The following NKAIN2 variants were observed in gnomAD, a reference collection of about 807,000 sequenced individuals.
The protein encoded by NKAIN2 is sodium/potassium transporting ATPase interacting 2.
In NKAIN2, 14 loss-of-function variants were observed where a neutral mutation model predicts 32.6. That is an observed-to-expected ratio of 0.43 (90% CI 0.28 to 0.67). The LOEUF (loss-of-function observed/expected upper bound fraction) is 0.67, where lower values mean the gene tolerates loss of function less well. Among genes scored for constraint, NKAIN2 ranks in the 30% least tolerant of loss-of-function variants. The probability of loss-of-function intolerance (pLI) is 0.17; values close to 1 mark genes in which losing one functional copy is unlikely to be tolerated. For synonymous variants in NKAIN2, 80 were observed against 87.2 expected, an observed-to-expected ratio of 0.92 and a Z score of 0.46; for missense variants, 198 against 258.3, an observed-to-expected ratio of 0.77 and a Z score of 1.60.
intron 4 of NKAIN2, among the ~76,000 whole-genome samples, chr6:124,788,552 CCTT>C (rs752951573): frequency 6.6e-5 from 10 of 151,982 alleles, no homozygotes; most frequent in Admixed American, 1.3e-4. Flanking sequence ...GAAGCAAAGA[CCTT>C]CTTCAGATGG....
intron 3 of NKAIN2, among the ~76,000 whole-genome samples, chr6:124,534,088 TTAAATG>T (rs1237908038): frequency 6.6e-6 from 1 of 152,240 alleles, no homozygotes; most frequent in Non-Finnish European, 1.5e-5. Flanking sequence ...CCATTATAAC[TTAAATG>T]TATGACTGCT....
Position 124,696,736 on chromosome 6 carries a change from T to C in NKAIN2, c.474+38350T>C, listed in dbSNP as rs117325451. On this transcript the variant is annotated intron_variant, in intron 4 of 6. Transcript: ENST00000368417. ...TTGATATGTTGTTTTCTGCGCTTGA[T>C]TGTATAAATTTACAAAAAAGTAAAA... is the stretch of plus-strand genomic sequence containing the variant. Among the ~76,000 whole-genome samples, 48 of 152,058 alleles carry C rather than the reference T, an allele frequency of 3.2e-4. No homozygotes were observed. The East Asian group carries it at 8.9e-3, about 28-fold the overall frequency.
chr6:124,784,234 T>G (rs1189191881), intron 4 of NKAIN2, among the ~76,000 whole-genome samples: 1 of 152,188 alleles, frequency 6.6e-6, no homozygotes, highest in Non-Finnish European at 1.5e-5. Flanking sequence ...CTGTTTACAC[T>G]TTACCCAGTT....
At chr6:124,279,286 T>A (rs1433071576) in intron 1 of NKAIN2, among the ~76,000 whole-genome samples, 1 of 151,928 alleles carries the variant, frequency 6.6e-6, no homozygotes, top group African/African-American at 2.4e-5. Context: ...CGTGGGCCGA[T>A]CATGAGGTCA....
At chr6:124,618,587 T>C (rs1046365748) in intron 3 of NKAIN2, among the ~76,000 whole-genome samples, 2 of 152,260 alleles carry the variant, frequency 1.3e-5, no homozygotes, top group African/African-American at 4.8e-5. Flanking sequence ...TAGTTTGCTT[T>C]GTAAGGTTGT....
At chr6:124,089,971 T>C (rs1784348835) in intron 1 of NKAIN2, among the ~76,000 whole-genome samples, 1 of 151,968 alleles carries the variant, frequency 6.6e-6, no homozygotes, top group Non-Finnish European at 1.5e-5. Context: ...CTATAGTACA[T>C]GTACATACTC....
chr6:124,100,842 G>A (rs1325145983), intron 1 of NKAIN2, among the ~76,000 whole-genome samples: 1 of 152,082 alleles, frequency 6.6e-6, no homozygotes, highest in African/African-American at 2.4e-5. Flanking sequence ...ATTTCTCCTT[G>A]CTGCTCAGTA....
intron 4 of NKAIN2, among the ~76,000 whole-genome samples, chr6:124,779,314 GGGAGGGAAGGAAGGAAGGAA>G (rs1246431008): frequency 3.8e-4 from 30 of 79,582 alleles, no homozygotes; most frequent in African/African-American, 1.5e-3. Context: ...GAGGGAGGGA[GGGAGGGAAGGAAGGAAGGAA>G]GGAAGGAAGG....
intron 4 of NKAIN2, among the ~76,000 whole-genome samples, chr6:124,687,783 T>G (rs13205084): frequency 2.2e-5 from 2 of 92,668 alleles, no homozygotes; most frequent in Non-Finnish European, 4.1e-5. Flanking sequence ...CACACACACA[T>G]ACTGTTCTAT....
chr6:124,812,864 T>A lies in NKAIN2; in HGVS notation c.536-5523T>A, dbSNP rs534605557. Among the ~76,000 whole-genome samples, 8 of 152,276 alleles carry A rather than the reference T, an allele frequency of 5.3e-5. No homozygotes were observed. The East Asian group carries it at 1.5e-3, about 29-fold the overall frequency. On this transcript the variant is annotated intron_variant, in intron 5 of 6. Coordinates refer to ENST00000368417, the MANE Select transcript of NKAIN2 (RefSeq NM_001040214.3). ...CCATGAACTATGTTTTCTACCTCTT[T>A]GTCCATTCATCTCAAATTCATTGAC...
intron 3 of NKAIN2, among the ~76,000 whole-genome samples, chr6:124,480,351 G>A (rs1777395802): frequency 6.6e-6 from 1 of 152,072 alleles, no homozygotes; most frequent in Non-Finnish European, 1.5e-5. Context: ...AACTCTTACA[G>A]CTCCTTCAGG....
At chr6:124,656,844 G>A (rs1172252394) in intron 3 of NKAIN2, among the ~76,000 whole-genome samples, 2 of 151,998 alleles carry the variant, frequency 1.3e-5, no homozygotes, top group African/African-American at 2.4e-5. Flanking sequence ...TTCTCATACT[G>A]CCTAATTTTT....
intron 1 of NKAIN2, among the ~76,000 whole-genome samples, chr6:124,224,177 A>G (rs1582878634): frequency 6.6e-6 from 1 of 152,152 alleles, no homozygotes; most frequent in Admixed American, 6.6e-5. Flanking sequence ...TACGTACAGT[A>G]TGCACATATT....
intron 3 of NKAIN2, among the ~76,000 whole-genome samples, chr6:124,439,410 T>C (rs567176856): frequency 4.0e-5 from 6 of 151,890 alleles, no homozygotes; most frequent in African/African-American, 1.4e-4. Context: ...GGTGGACGAC[T>C]ACACGGGGCC....
intron 1 of NKAIN2, among the ~76,000 whole-genome samples, chr6:123,857,410 A>G (rs569905899): frequency 1.3e-5 from 2 of 152,330 alleles, no homozygotes; most frequent in South Asian, 4.1e-4. Context: ...AACAATCTAT[A>G]CAGTTTTTCA....
chr6:124,437,872 ATTT>A (rs374033234), intron 3 of NKAIN2: 322 of 343,536 alleles, frequency 9.4e-4, no homozygotes, highest in African/African-American at 2.8e-3. Context: ...TGATCTATTG[ATTT>A]TTTTTTTTTT....
intron 2 of NKAIN2, among the ~76,000 whole-genome samples, chr6:124,296,006 T>C (rs1163945403): frequency 6.6e-6 from 1 of 152,182 alleles, no homozygotes; most frequent in Non-Finnish European, 1.5e-5. Flanking sequence ...CATCACTGTT[T>C]ATGTATAAAG....
intron 1 of NKAIN2, among the ~76,000 whole-genome samples, chr6:124,117,599 A>G (rs189263261): frequency 6.6e-6 from 1 of 152,294 alleles, no homozygotes; most frequent in Admixed American, 6.5e-5. Context: ...AGGTCTTAAC[A>G]TATGTAACAA....
chr6:124,389,112 TA>T (rs951014201), intron 3 of NKAIN2, among the ~76,000 whole-genome samples: 2 of 152,144 alleles, frequency 1.3e-5, no homozygotes, highest in Non-Finnish European at 2.9e-5. Flanking sequence ...CTAAATGTTG[TA>T]ACCAGAGGCT....
Sources: allele counts gnomAD v4.1 joint callset (sites outside exome capture counted in the v4.1 genomes callset), GRCh38; gene constraint gnomAD v4.1.1; transcripts MANE v1.5; gene names NCBI Gene and HGNC (gene_info 2026-07-23, HGNC 2026-07-21).